The following CSGALNACT1 variants were observed in gnomAD, a reference collection of about 807,000 sequenced individuals.
The protein encoded by CSGALNACT1 is beta4GalNAcT-1.
A neutral mutation model predicts 51.0 loss-of-function variants in CSGALNACT1; 52 were observed. The ratio of observed to expected loss-of-function variants is 1.02; its 90% CI spans 0.82 to 1.29. The LOEUF (loss-of-function observed/expected upper bound fraction) is 1.29, where lower values mean the gene tolerates loss of function less well. Ranked by LOEUF, CSGALNACT1 falls within the 50% of genes most tolerant of loss-of-function variation. CSGALNACT1 has a pLI of 0.00. For missense variants in CSGALNACT1, 935 were observed against 679.2 expected, an observed-to-expected ratio of 1.38 and a Z score of -4.19; for synonymous variants, 341 against 254.4, an observed-to-expected ratio of 1.34 and a Z score of -3.24.
intron 1 of CSGALNACT1, among the ~76,000 whole-genome samples, chr8:19,672,804 A>C (rs1275975547): frequency 6.6e-6 from 1 of 152,230 alleles, no homozygotes; most frequent in African/African-American, 2.4e-5. Flanking sequence ...TTTGTAGAAA[A>C]GTTAGTGAAC....
chr8:19,505,162 C>T (rs1353354268), intron 4 of CSGALNACT1, 39 bp downstream of exon 3: 3 of 1,613,332 alleles, frequency 1.9e-6, no homozygotes, highest in Non-Finnish European at 2.5e-6. Context: ...CCCCCAATTC[C>T]TTTTCTTCTC....
At chr8:19,470,854 C>T (rs895213351) in intron 4 of CSGALNACT1, among the ~76,000 whole-genome samples, 1 of 152,056 alleles carries the variant, frequency 6.6e-6, no homozygotes, top group African/African-American at 2.4e-5. Flanking sequence ...CCAACACTTT[C>T]GGAGGCTGAG....
At chr8:19,699,534 C>T (rs1339308389) in intron 1 of CSGALNACT1, among the ~76,000 whole-genome samples, 1 of 152,224 alleles carries the variant, frequency 6.6e-6, no homozygotes, top group Non-Finnish European at 1.5e-5. Context: ...ATAAGCCCAT[C>T]ACTAAAGGGC....
chr8:19,698,951 T>C (rs2061720185), intron 1 of CSGALNACT1, among the ~76,000 whole-genome samples: 1 of 152,232 alleles, frequency 6.6e-6, no homozygotes, highest in Non-Finnish European at 1.5e-5. Flanking sequence ...CATCCTCCCT[T>C]ATTTTTTAAA....
intron 3 of CSGALNACT1, among the ~76,000 whole-genome samples, chr8:19,507,836 C>T (rs1222913049): frequency 2.0e-5 from 3 of 152,188 alleles, no homozygotes; most frequent in Non-Finnish European, 4.4e-5. Flanking sequence ...ACCATGTTGG[C>T]CAGGATGGTC....
intron 4 of CSGALNACT1, among the ~76,000 whole-genome samples, chr8:19,462,557 C>T (rs1224326354): frequency 1.3e-5 from 2 of 152,110 alleles, no homozygotes; most frequent in African/African-American, 4.8e-5. Context: ...CTTGGAGGTG[C>T]CTGCATCATC....
chr8:19,420,605 A>G, intron 6 of CSGALNACT1, 87 bp from the exon 6 acceptor site: 1 of 1,367,734 alleles, frequency 7.3e-7, no homozygotes, highest in Non-Finnish European at 1.0e-6. Context: ...GCCCATCCAC[A>G]TCTTGACCCA....
intron 3 of CSGALNACT1, among the ~76,000 whole-genome samples, chr8:19,512,051 G>A (rs767075486): frequency 6.0e-4 from 92 of 152,196 alleles, no homozygotes; most frequent in Admixed American, 1.3e-3. Flanking sequence ...TGAGATTTGG[G>A]TGGGGACACA....
intron 3 of CSGALNACT1, among the ~76,000 whole-genome samples, chr8:19,575,495 A>G (rs1208679358): frequency 2.6e-5 from 4 of 152,248 alleles, no homozygotes; most frequent in African/African-American, 9.6e-5. Context: ...TTTTGGAAGT[A>G]ATCGTTAAGC....
intron 3 of CSGALNACT1, among the ~76,000 whole-genome samples, chr8:19,515,108 C>T (rs2079264985): frequency 6.6e-6 from 1 of 152,020 alleles, no homozygotes; most frequent in South Asian, 2.1e-4. Flanking sequence ...TTCGGGAACC[C>T]AGCCTCAGAG....
chr8:19,466,335 G>C (rs796822447), intron 4 of CSGALNACT1, among the ~76,000 whole-genome samples: 5 of 152,210 alleles, frequency 3.3e-5, no homozygotes, highest in African/African-American at 1.2e-4. Context: ...AAAAGGCTGA[G>C]AAGCGATGAT....
At chr8:19,687,315 G>T (rs755633206), upstream of CSGALNACT1, among the ~76,000 whole-genome samples, 2 of 152,056 alleles carry the variant, frequency 1.3e-5, no homozygotes, top group South Asian at 2.1e-4. Flanking sequence ...TCCTCTACTA[G>T]GCAGAAAAAC....
At chr8:19,513,362 C>T (rs929098108) in intron 3 of CSGALNACT1, among the ~76,000 whole-genome samples, 6 of 150,002 alleles carry the variant, frequency 4.0e-5, no homozygotes, top group African/African-American at 1.2e-4. Flanking sequence ...AAGACCCTAA[C>T]GCTCCCAATT....
At chr8:19,474,189 C>G (rs534712720) in intron 4 of CSGALNACT1, among the ~76,000 whole-genome samples, 1 of 152,080 alleles carries the variant, frequency 6.6e-6, no homozygotes, top group African/African-American at 2.4e-5. Context: ...GATTTCTTGT[C>G]TCTGTGGGCT....
At chr8:19,490,318 G>A (rs2074075678) in intron 4 of CSGALNACT1, among the ~76,000 whole-genome samples, 1 of 152,186 alleles carries the variant, frequency 6.6e-6, no homozygotes, top group Non-Finnish European at 1.5e-5. Flanking sequence ...TTGGGAAAGA[G>A]AGGAAAAGAG....
intron 1 of CSGALNACT1, among the ~76,000 whole-genome samples, chr8:19,731,318 G>A (rs1390153519): frequency 6.6e-6 from 1 of 151,982 alleles, no homozygotes; most frequent in Non-Finnish European, 1.5e-5. Context: ...GGCCAGCCTG[G>A]CCAACATAAT....
chr8:19,537,929 TTTG>T (rs1238722882), intron 3 of CSGALNACT1, among the ~76,000 whole-genome samples: 2 of 152,232 alleles, frequency 1.3e-5, no homozygotes, highest in African/African-American at 4.8e-5. Flanking sequence ...TGCAAAATTC[TTTG>T]TTAAGATAAT....
intron 1 of CSGALNACT1, among the ~76,000 whole-genome samples, chr8:19,665,595 A>T: frequency 6.6e-6 from 1 of 152,124 alleles, no homozygotes. Context: ...GAAGCCACGG[A>T]CTTTCCCATG....
At chr8:19,649,819 C>CAAAAAAAAAAA (rs57549612) in intron 1 of CSGALNACT1, among the ~76,000 whole-genome samples, 1,874 of 29,396 alleles carry the variant, frequency 0.064, 603 homozygotes, top group East Asian at 0.17. Flanking sequence ...TTCCAAGTAG[C>CAAAAAAAAAAA]AAAAAAAAAA....
Sources: gnomAD v4.1 joint callset for allele counts (sites outside exome capture counted in the v4.1 genomes callset) on GRCh38, gnomAD v4.1.1 for gene constraint, MANE v1.5 for transcripts, NCBI Gene and HGNC (gene_info 2026-07-23, HGNC 2026-07-21) for gene names.